SCN8A: variants seen among roughly 807,000 people sequenced by gnomAD.
SCN8A encodes the protein sodium channel protein type 8 subunit alpha.
Under a neutral mutation model 184.1 loss-of-function variants are expected in SCN8A, and 30 were observed. The ratio of observed to expected loss-of-function variants is 0.16; its 90% CI spans 0.12 to 0.22. The LOEUF (loss-of-function observed/expected upper bound fraction) is 0.22, where lower values mean the gene tolerates loss of function less well. Among genes scored for constraint, SCN8A ranks in the 10% least tolerant of loss-of-function variants. SCN8A has a pLI of 1.00. For synonymous variants in SCN8A, 852 were observed against 907.0 expected (o/e 0.94, Z 1.09); for missense variants, 1,057 against 2,498.9 (o/e 0.42, Z 12.30).
intron 2 of SCN8A, among the ~76,000 whole-genome samples, chr12:51,678,573 G>A (rs1422639893): frequency 6.6e-6 from 1 of 152,124 alleles, no homozygotes; most frequent in Non-Finnish European, 1.5e-5. Context: ...TTTTATAGAC[G>A]AAGAAAATGA....
At chr12:51,719,816 C>T (rs1425112474) in intron 11 of SCN8A, among the ~76,000 whole-genome samples, 1 of 152,176 alleles carries the variant, frequency 6.6e-6, no homozygotes, top group East Asian at 1.9e-4. Context: ...GTGGCTCACG[C>T]CTGTAATCCC....
chr12:51,798,599 G>A (rs1218749748), intron 26 of SCN8A, among the ~76,000 whole-genome samples: 1 of 152,174 alleles, frequency 6.6e-6, no homozygotes, highest in Non-Finnish European at 1.5e-5. Flanking sequence ...ATGTTGGTGA[G>A]CCCATGCGTA....
At chr12:51,629,361 T>C (rs76724304) in intron 1 of SCN8A, among the ~76,000 whole-genome samples, 1,649 of 152,236 alleles carry the variant, frequency 0.011, 14 homozygotes, top group Non-Finnish European at 0.016. Context: ...CTGTGCATTG[T>C]AAGATGTTTA....
At chr12:51,749,677 C>A (rs1483956629) in intron 13 of SCN8A, among the ~76,000 whole-genome samples, 3 of 152,082 alleles carry the variant, frequency 2.0e-5, no homozygotes, top group Admixed American at 2.0e-4. Context: ...CCAAGGCAAC[C>A]ATTTTCTTAG....
intron 12 of SCN8A, among the ~76,000 whole-genome samples, chr12:51,723,745 G>A (rs1008396664): frequency 6.6e-6 from 1 of 152,032 alleles, no homozygotes; most frequent in Admixed American, 6.5e-5. Context: ...GGATGTGGGA[G>A]GCTGAGGCAG....
intron 11 of SCN8A, 32 bp from the exon 12 acceptor site, chr12:51,721,514 G>T: frequency 6.4e-7 from 1 of 1,558,976 alleles, no homozygotes; most frequent in Non-Finnish European, 8.7e-7. Flanking sequence ...TCATTTCCCC[G>T]TCCCTCTCTC....
At chr12:51,597,355 C>A (rs919397820) in intron 1 of SCN8A, among the ~76,000 whole-genome samples, 2 of 152,146 alleles carry the variant, frequency 1.3e-5, no homozygotes, top group African/African-American at 4.8e-5. Context: ...AGGCTCCTTT[C>A]ATATTCAGCT....
At chr12:51,639,482 A>G (rs1019939460) in intron 1 of SCN8A, among the ~76,000 whole-genome samples, 5 of 147,944 alleles carry the variant, frequency 3.4e-5, no homozygotes, top group African/African-American at 1.1e-4. Context: ...TGGTGTGATC[A>G]TAGCTCACTG....
At chr12:51,682,672 T>C (rs1422431592) in intron 2 of SCN8A, among the ~76,000 whole-genome samples, 1 of 152,224 alleles carries the variant, frequency 6.6e-6, no homozygotes, top group Non-Finnish European at 1.5e-5. Flanking sequence ...TGCTCCAAAA[T>C]TTAAAAATAA....
At chr12:51,751,301 C>T (rs1468756038) in intron 13 of SCN8A, 54 bp from the exon 14 acceptor site, 2 of 1,164,916 alleles carry the variant, frequency 1.7e-6, no homozygotes, top group Admixed American at 1.8e-5. Flanking sequence ...GTAGTGTGTC[C>T]CCCTGGTTTT....
intron 26 of SCN8A, among the ~76,000 whole-genome samples, chr12:51,799,390 G>A (rs1013133323): frequency 2.0e-5 from 3 of 152,206 alleles, no homozygotes; most frequent in Non-Finnish European, 4.4e-5. Context: ...TGGTAACTGG[G>A]TGACCCATGG....
At chr12:51,640,389 C>T (rs1314834581) in intron 1 of SCN8A, among the ~76,000 whole-genome samples, 1 of 151,524 alleles carries the variant, frequency 6.6e-6, no homozygotes, top group Non-Finnish European at 1.5e-5. Context: ...GCAACTGAAC[C>T]CACAATAAGC....
intron 1 of SCN8A, among the ~76,000 whole-genome samples, chr12:51,613,886 G>C (rs745664791): frequency 6.6e-6 from 1 of 152,012 alleles, no homozygotes; most frequent in African/African-American, 2.4e-5. Flanking sequence ...TTGATTTCTA[G>C]TTTATTCCAT....
At chr12:51,723,311 T>C (rs1942099198) in intron 12 of SCN8A, among the ~76,000 whole-genome samples, 1 of 151,756 alleles carries the variant, frequency 6.6e-6, no homozygotes, top group African/African-American at 2.4e-5. Context: ...AGTGAGACCC[T>C]GTTTGTACAA....
At chr12:51,701,039 T>C in intron 7 of SCN8A, 105 bp from the exon 8 acceptor site, 1 of 686,596 alleles carries the variant, frequency 1.5e-6, no homozygotes, top group Admixed American at 2.3e-5. Flanking sequence ...ATTTATGAGC[T>C]AAAGTCAATA....
intron 6 of SCN8A, chr12:51,689,554 T>TGATACGGCGAC: frequency 6.5e-6 from 1 of 153,688 alleles, no homozygotes; most frequent in Non-Finnish European, 1.4e-5. Flanking sequence ...AATTTTTTAA[T>TGATACGGCGAC]CACAGAAGAG....
intron 1 of SCN8A, among the ~76,000 whole-genome samples, chr12:51,593,918 A>G (rs1264409341): frequency 1.3e-5 from 2 of 152,228 alleles, no homozygotes; most frequent in South Asian, 2.1e-4. Flanking sequence ...GTCATTTCAA[A>G]TAGCAAGCAA....
At chr12:51,710,562 G>C (rs945028272) in intron 11 of SCN8A, among the ~76,000 whole-genome samples, 1 of 152,164 alleles carries the variant, frequency 6.6e-6, no homozygotes, top group African/African-American at 2.4e-5. Flanking sequence ...CGGAGTCTGA[G>C]GCGGGAAGAT....
At chr12:51,591,676 T>C (rs1363398372) in intron 1 of SCN8A, among the ~76,000 whole-genome samples, 2 of 152,120 alleles carry the variant, frequency 1.3e-5, no homozygotes, top group Admixed American at 1.3e-4. Context: ...TGGTGCCCCT[T>C]CCGCGGTGCA....
Sources: gnomAD v4.1 joint callset for allele counts (sites outside exome capture counted in the v4.1 genomes callset) on GRCh38, gnomAD v4.1.1 for gene constraint, MANE v1.5 for transcripts, NCBI Gene and HGNC (gene_info 2026-07-23, HGNC 2026-07-21) for gene names.